CHL1: variants seen among roughly 807,000 people sequenced by gnomAD.
The protein encoded by CHL1 is cell adhesion molecule L1 like, also known as neural cell adhesion molecule L1-like protein.
In CHL1, 96 loss-of-function variants were observed where a neutral mutation model predicts 141.9. That is an observed-to-expected ratio of 0.68 (90% CI 0.57 to 0.80). CHL1 has a LOEUF of 0.80. Among genes scored for constraint, CHL1 ranks in the 30% least tolerant of loss-of-function variants. The probability of loss-of-function intolerance (pLI) is 0.00; values close to 1 mark genes in which losing one functional copy is unlikely to be tolerated. For synonymous variants in CHL1, 613 were observed against 502.2 expected (o/e 1.22, Z -2.95); for missense variants, 1,820 against 1,457.2 (o/e 1.25, Z -4.05).
intron 27 of CHL1, among the ~76,000 whole-genome samples, chr3:401,955 A>G (rs1709176616): frequency 6.6e-6 from 1 of 152,226 alleles, no homozygotes; most frequent in Non-Finnish European, 1.5e-5. Context: ...TGTGCCTAAC[A>G]CAAAGAATAT....
intron 2 of CHL1, among the ~76,000 whole-genome samples, chr3:306,420 T>C (rs1440037082): frequency 1.3e-5 from 2 of 152,146 alleles, no homozygotes; most frequent in African/African-American, 4.8e-5. Flanking sequence ...AAAATACCTA[T>C]ACCTTTTTGA....
chr3:368,359 C>A (rs1705175180), intron 15 of CHL1, among the ~76,000 whole-genome samples: 1 of 152,078 alleles, frequency 6.6e-6, no homozygotes, highest in African/African-American at 2.4e-5. Flanking sequence ...TCATGTTGAG[C>A]TTTTTTTCAT....
chr3:319,566 A>G, intron 2 of CHL1, 117 bp from the exon 3 acceptor site: 4 of 484,994 alleles, frequency 8.2e-6, no homozygotes, highest in Non-Finnish European at 1.1e-5. Context: ...GAACAGTTTC[A>G]TAAGGAGGAA....
At chr3:210,649 C>A (rs748337643) in intron 1 of CHL1, among the ~76,000 whole-genome samples, 15 of 152,236 alleles carry the variant, frequency 9.9e-5, no homozygotes, top group Non-Finnish European at 2.2e-4. Context: ...CATCCAACTT[C>A]TAGCAGACAA....
intron 1 of CHL1, among the ~76,000 whole-genome samples, chr3:242,561 A>G (rs376222003): frequency 2.6e-5 from 4 of 152,100 alleles, no homozygotes; most frequent in South Asian, 2.1e-4. Context: ...GTGCCACTGC[A>G]CTCCAGCCTG....
intron 5 of CHL1, among the ~76,000 whole-genome samples, chr3:335,670 G>T (rs1701807897): frequency 6.6e-6 from 1 of 152,054 alleles, no homozygotes; most frequent in African/African-American, 2.4e-5. Flanking sequence ...GTCCAATGAT[G>T]GAAAAAGGGA....
chr3:332,470 T>G (rs1280614680), intron 5 of CHL1, among the ~76,000 whole-genome samples: 2 of 152,290 alleles, frequency 1.3e-5, no homozygotes, highest in South Asian at 4.1e-4. Context: ...ATATTCCTAT[T>G]TTGTAAAATG....
At chr3:363,426 G>T in intron 14 of CHL1, 43 bp downstream of exon 14, 1 of 1,537,120 alleles carries the variant, frequency 6.5e-7, no homozygotes, top group East Asian at 2.3e-5. Flanking sequence ...TGTCACATGG[G>T]TTCAGTCTGT....
chr3:257,993 C>G (rs569038074), intron 2 of CHL1, among the ~76,000 whole-genome samples: 2 of 152,240 alleles, frequency 1.3e-5, no homozygotes, highest in African/African-American at 4.8e-5. Context: ...GAAGAGGCAG[C>G]ATGTTCGGTG....
chr3:296,738 T>C (rs1698220789), intron 2 of CHL1, among the ~76,000 whole-genome samples: 1 of 152,216 alleles, frequency 6.6e-6, no homozygotes, highest in Admixed American at 6.5e-5. Flanking sequence ...AGGCAGACAT[T>C]GTATCCAGTT....
intron 1 of CHL1, among the ~76,000 whole-genome samples, chr3:237,182 G>C (rs1413965218): frequency 6.6e-6 from 1 of 152,132 alleles, no homozygotes; most frequent in East Asian, 1.9e-4. Flanking sequence ...TGGATTATGG[G>C]GGTGGTTTCC....
chr3:242,523 G>A (rs1277667506), intron 1 of CHL1, among the ~76,000 whole-genome samples: 3 of 151,982 alleles, frequency 2.0e-5, no homozygotes, highest in Non-Finnish European at 4.4e-5. Flanking sequence ...TTGAACCAGG[G>A]AGGCAGAGCT....
chr3:212,224 T>G (rs999239496), intron 1 of CHL1, among the ~76,000 whole-genome samples: 5 of 151,992 alleles, frequency 3.3e-5, no homozygotes. Flanking sequence ...TTGTTGGGGG[T>G]TCTGGAACCC....
intron 3 of CHL1, among the ~76,000 whole-genome samples, chr3:322,527 G>A (rs1002143065): frequency 3.3e-5 from 5 of 150,528 alleles, no homozygotes; most frequent in Non-Finnish European, 7.4e-5. Context: ...AGTAATGAGG[G>A]CTGGGCGTGG....
chr3:245,114 C>T (rs995540907), intron 2 of CHL1, among the ~76,000 whole-genome samples: 2 of 152,112 alleles, frequency 1.3e-5, no homozygotes, highest in African/African-American at 4.8e-5. Context: ...ACAGAGCTCA[C>T]GCTTCATAGT....
chr3:301,078 G>C (rs150119406), intron 2 of CHL1, among the ~76,000 whole-genome samples: 262 of 152,160 alleles, frequency 1.7e-3, no homozygotes, highest in African/African-American at 5.9e-3. Context: ...TGCCATTGAA[G>C]GTTTCCATTT....
intron 1 of CHL1, among the ~76,000 whole-genome samples, chr3:227,867 A>G (rs1044853685): frequency 2.0e-5 from 3 of 152,238 alleles, no homozygotes; most frequent in African/African-American, 7.2e-5. Flanking sequence ...GCCAAAGTGA[A>G]GGAAGCCCAG....
At chr3:202,147 G>T (rs1274392212) in intron 1 of CHL1, among the ~76,000 whole-genome samples, 2 of 152,162 alleles carry the variant, frequency 1.3e-5, no homozygotes, top group Non-Finnish European at 2.9e-5. Flanking sequence ...TTCTTCTTTA[G>T]AAACGGGGAA....
intron 6 of CHL1, among the ~76,000 whole-genome samples, chr3:341,352 A>C (rs1481951299): frequency 6.6e-6 from 1 of 152,184 alleles, no homozygotes; most frequent in Non-Finnish European, 1.5e-5. Flanking sequence ...ATTGTGAACC[A>C]TAGAGAAAAA....
Sources: gnomAD v4.1 joint callset for allele counts (sites outside exome capture counted in the v4.1 genomes callset) on GRCh38, gnomAD v4.1.1 for gene constraint, MANE v1.5 for transcripts, NCBI Gene and HGNC (gene_info 2026-07-23, HGNC 2026-07-21) for gene names.